Variants in RBMS3 observed in about 807,000 individuals in gnomAD.
The protein encoded by RBMS3 is RNA-binding motif, single-stranded-interacting protein 3.
In RBMS3, 27 loss-of-function variants were observed where a neutral mutation model predicts 66.8. That is an observed-to-expected ratio of 0.40 (90% CI 0.30 to 0.56). The LOEUF is 0.56. Ranked by LOEUF, RBMS3 falls within the 20% of genes least tolerant of loss-of-function variation. The pLI is 0.40. For missense variants in RBMS3, 513 were observed against 549.5 expected (o/e 0.93, Z 0.66); for synonymous variants, 188 against 183.0 (o/e 1.03, Z -0.22).
chr3:29,491,158 T>C (rs915755439), intron 3 of RBMS3, among the ~76,000 whole-genome samples: 1 of 152,230 alleles, frequency 6.6e-6, no homozygotes, highest in Non-Finnish European at 1.5e-5. Flanking sequence ...GGTCAGGGTC[T>C]CCATAAGCAA....
intron 12 of RBMS3, among the ~76,000 whole-genome samples, chr3:29,960,726 G>A (rs944619198): frequency 3.9e-5 from 6 of 152,084 alleles, no homozygotes; most frequent in Non-Finnish European, 7.4e-5. Context: ...TCAACACCAC[G>A]TGGAAGCTGC....
chr3:29,636,509 C>G (rs1251125618), intron 4 of RBMS3, among the ~76,000 whole-genome samples: 1 of 151,880 alleles, frequency 6.6e-6, no homozygotes, highest in Non-Finnish European at 1.5e-5. Flanking sequence ...GGCTGGTAAT[C>G]TGTTTAGAAT....
rs1163060759 is a variant in RBMS3 at position 29,702,202 on chromosome 3, A to C, written c.400-37518A>C. Among the ~76,000 whole-genome samples the C allele has an allele frequency of 2.0e-5, 3 of 152,054 alleles. No individual in the cohort carries two copies. The East Asian group carries it at 5.8e-4, about 29-fold the overall frequency. ...CTTGGAGAACCTTTATGTCTAGCTA[A>C]AGGATTGTAAATCCACCAATCAGCA... On this transcript the variant is annotated intron_variant, in intron 4 of 14. Coordinates refer to ENST00000383767, the MANE Select transcript of RBMS3 (RefSeq NM_001003793.3).
chr3:29,977,300 C>T (rs563521268), intron 12 of RBMS3, among the ~76,000 whole-genome samples: 2 of 152,176 alleles, frequency 1.3e-5, no homozygotes, highest in African/African-American at 4.8e-5. Flanking sequence ...CCTTGCCCCT[C>T]CCTGGCTCTA....
intron 4 of RBMS3, among the ~76,000 whole-genome samples, chr3:29,603,206 G>C (rs1647160635): frequency 6.6e-6 from 1 of 151,972 alleles, no homozygotes; most frequent in Admixed American, 6.6e-5. Flanking sequence ...CCATGTGGTA[G>C]TCGTTAATGT....
chr3:29,956,021 G>A (rs1482323196), intron 12 of RBMS3, among the ~76,000 whole-genome samples: 3 of 152,030 alleles, frequency 2.0e-5, no homozygotes, highest in African/African-American at 7.2e-5. Context: ...AAATGGAAAT[G>A]ACTAGTGTAT....
intron 14 of RBMS3, 26 bp from the exon 15 acceptor site, chr3:30,003,830 C>T (rs1289484094): frequency 7.1e-7 from 1 of 1,399,378 alleles, no homozygotes. Flanking sequence ...AATTTAATGA[C>T]CACTCTTATT....
intron 4 of RBMS3, among the ~76,000 whole-genome samples, chr3:29,736,931 C>T (rs1314838498): frequency 6.6e-6 from 1 of 152,036 alleles, no homozygotes; most frequent in Non-Finnish European, 1.5e-5. Context: ...TTTACAGTAA[C>T]CTTCTATTTA....
intron 2 of RBMS3, among the ~76,000 whole-genome samples, chr3:29,460,203 A>G (rs1305501773): frequency 1.3e-5 from 2 of 152,176 alleles, no homozygotes; most frequent in Admixed American, 1.3e-4. Flanking sequence ...ACCATCCCAA[A>G]GTCTTTTCTG....
intron 8 of RBMS3, among the ~76,000 whole-genome samples, chr3:29,892,867 T>TTATTTATG (rs1559775026): frequency 4.0e-5 from 6 of 149,922 alleles, no homozygotes; most frequent in Non-Finnish European, 6.0e-5. Context: ...ATTTATTTAT[T>TTATTTATG]TTTAATGTGA....
At chr3:29,696,763 G>A (rs1168062533) in intron 4 of RBMS3, among the ~76,000 whole-genome samples, 1 of 152,130 alleles carries the variant, frequency 6.6e-6, no homozygotes, top group East Asian at 1.9e-4. Context: ...CGGGACAAGA[G>A]CACCTTATTA....
intron 3 of RBMS3, among the ~76,000 whole-genome samples, chr3:29,510,018 T>A (rs1030110796): frequency 6.6e-6 from 1 of 152,208 alleles, no homozygotes; most frequent in African/African-American, 2.4e-5. Flanking sequence ...TTGGCTGTGA[T>A]TAGAAACTGG....
chr3:29,384,270 C>T (rs1342816447), intron 1 of RBMS3, among the ~76,000 whole-genome samples: 9 of 151,976 alleles, frequency 5.9e-5, no homozygotes, highest in Non-Finnish European at 2.9e-5. Context: ...GAGCCGTGAT[C>T]GCACCACTAT....
intron 1 of RBMS3, among the ~76,000 whole-genome samples, chr3:29,382,933 A>G (rs1409536706): frequency 6.6e-6 from 1 of 152,148 alleles, no homozygotes; most frequent in Admixed American, 6.5e-5. Context: ...GCTCATCTGT[A>G]TGTACATATT....
chr3:29,350,091 C>T (rs568871859), intron 1 of RBMS3, among the ~76,000 whole-genome samples: 23 of 149,754 alleles, frequency 1.5e-4, no homozygotes, highest in Non-Finnish European at 3.0e-4. Flanking sequence ...ACCTGGGAGG[C>T]GGAGGTTGCA....
intron 4 of RBMS3, among the ~76,000 whole-genome samples, chr3:29,654,162 A>G (rs951540704): frequency 6.6e-6 from 1 of 152,150 alleles, no homozygotes; most frequent in Non-Finnish European, 1.5e-5. Context: ...TTGAAATGAA[A>G]AGATAGGGAA....
Position 29,487,562 on chromosome 3 carries a change from G to A in RBMS3, c.249-879G>A, listed in dbSNP as rs1034365172. On this transcript the variant is annotated intron_variant, in intron 2 of 14. Coordinates refer to ENST00000383767, the MANE Select transcript of RBMS3 (RefSeq NM_001003793.3). ...CTTCTCATCATTCTCAGAGAATGCCGAGGGCTGGAGACATTTTTATATAGC... is the reference window on the plus strand; with the variant it reads ...CTTCTCATCATTCTCAGAGAATGCCAAGGGCTGGAGACATTTTTATATAGC... Among the ~76,000 whole-genome samples the A allele has an allele frequency of 6.6e-5, 10 of 152,004 alleles. No homozygotes were observed. In the South Asian group the frequency reaches 1.2e-3, roughly 19 times the overall value.
intron 4 of RBMS3, among the ~76,000 whole-genome samples, chr3:29,722,725 G>A (rs1301211084): frequency 6.6e-6 from 1 of 152,010 alleles, no homozygotes; most frequent in Non-Finnish European, 1.5e-5. Flanking sequence ...AGATCTATGG[G>A]ATGTTTTTCT....
At chr3:29,918,837 A>C (rs1319365880) in intron 10 of RBMS3, among the ~76,000 whole-genome samples, 1 of 152,006 alleles carries the variant, frequency 6.6e-6, no homozygotes, top group African/African-American at 2.4e-5. Context: ...ACTTTTTTTC[A>C]AAACCCTACA....
Sources: gnomAD v4.1 joint callset for allele counts (sites outside exome capture counted in the v4.1 genomes callset) on GRCh38, gnomAD v4.1.1 for gene constraint, MANE v1.5 for transcripts, NCBI Gene and HGNC (gene_info 2026-07-23, HGNC 2026-07-21) for gene names.